SLC25A13: variants seen among roughly 807,000 people sequenced by gnomAD.
SLC25A13 encodes the protein solute carrier family 25 member 13, also known as electrogenic aspartate/glutamate antiporter SLC25A13, mitochondrial.
SLC25A13 carries 70 observed loss-of-function variants against 85.5 expected under a neutral mutation model. The observed-to-expected ratio is 0.82, with a 90% CI of 0.68 to 1.00. SLC25A13 has a LOEUF of 1.00. SLC25A13 is among the 50% of genes least tolerant of loss of function. The probability of loss-of-function intolerance (pLI) is 0.00; values close to 1 mark genes in which losing one functional copy is unlikely to be tolerated. For missense variants in SLC25A13, 765 were observed against 819.8 expected (o/e 0.93, Z 0.82); for synonymous variants, 259 against 288.7 (o/e 0.90, Z 1.04).
intron 13 of SLC25A13, among the ~76,000 whole-genome samples, chr7:96,149,916 CTT>C (rs1415273282): frequency 6.6e-6 from 1 of 152,172 alleles, no homozygotes; most frequent in Non-Finnish European, 1.5e-5. Context: ...TGCACAATGT[CTT>C]TGCGTCCCTC....
chr7:96,221,383 A>C (rs952821894), intron 4 of SLC25A13, among the ~76,000 whole-genome samples: 9 of 152,322 alleles, frequency 5.9e-5, no homozygotes, highest in South Asian at 4.1e-4. Context: ...CTCATAAAAT[A>C]AAATCAAATC....
chr7:96,294,761 T>C (rs1219311235), intron 2 of SLC25A13, among the ~76,000 whole-genome samples: 1 of 152,178 alleles, frequency 6.6e-6, no homozygotes, highest in Non-Finnish European at 1.5e-5. Context: ...CACTGAAGCC[T>C]CAAATTCCTA....
rs1792297011 is a variant in SLC25A13, at chr7:96,136,575, ACCTG to A, written c.1453-4698_1453-4695del. On this transcript the variant is annotated intron_variant, in intron 14 of 17. Coordinates refer to ENST00000265631, the MANE Select transcript of SLC25A13 (RefSeq NM_014251.3). ...AACTCTTCATCTTGGATGGTAAATCACCTGCCCAATCAATCCAAAGTGGGGAAAA... is the reference window on the plus strand; with the variant it reads ...AACTCTTCATCTTGGATGGTAAATCACCCAATCAATCCAAAGTGGGGAAAA... Among the ~76,000 whole-genome samples the A allele has an allele frequency of 2.6e-5, 4 of 152,160 alleles. 1 individual carries two copies. In the South Asian group the frequency reaches 8.3e-4, roughly 31 times the overall value.
chr7:96,227,644 T>C (rs779231077), intron 4 of SLC25A13, among the ~76,000 whole-genome samples: 1 of 152,204 alleles, frequency 6.6e-6, no homozygotes, highest in African/African-American at 2.4e-5. Context: ...GTAGTACCAC[T>C]GCAGTGCAAT....
At chr7:96,176,440 C>T (rs547491655) in intron 11 of SLC25A13, among the ~76,000 whole-genome samples, 1 of 152,330 alleles carries the variant, frequency 6.6e-6, no homozygotes, top group South Asian at 2.1e-4. Context: ...TTTAGTTCAG[C>T]TCCATCAGCA....
At chr7:96,321,594 A>AC (rs1193631445) in intron 1 of SLC25A13, among the ~76,000 whole-genome samples, 1 of 151,580 alleles carries the variant, frequency 6.6e-6, no homozygotes, top group Non-Finnish European at 1.5e-5. Context: ...GGTAGAGAGG[A>AC]CCCCCAGCGC....
intron 3 of SLC25A13, among the ~76,000 whole-genome samples, chr7:96,250,490 T>C (rs906497066): frequency 1.3e-4 from 20 of 152,074 alleles, no homozygotes; most frequent in African/African-American, 4.6e-4. Context: ...TGCCGAATGG[T>C]TGGAATCCAC....
intron 4 of SLC25A13, among the ~76,000 whole-genome samples, chr7:96,222,876 A>G (rs1163411989): frequency 6.6e-6 from 1 of 152,238 alleles, no homozygotes; most frequent in Non-Finnish European, 1.5e-5. Context: ...ATCCAAAACC[A>G]AAAGGCATCC....
At chr7:96,179,810 G>C (rs920898455) in intron 11 of SLC25A13, among the ~76,000 whole-genome samples, 2 of 152,196 alleles carry the variant, frequency 1.3e-5, no homozygotes, top group African/African-American at 4.8e-5. Flanking sequence ...GTGTTCTTAA[G>C]TAATGCAAAA....
intron 2 of SLC25A13, among the ~76,000 whole-genome samples, chr7:96,295,468 TTCC>T (rs1333166693): frequency 1.3e-5 from 2 of 152,242 alleles, no homozygotes; most frequent in Non-Finnish European, 2.9e-5. Flanking sequence ...CCTACTCATT[TTCC>T]TCAACTCAAC....
intron 11 of SLC25A13, among the ~76,000 whole-genome samples, chr7:96,178,843 A>C (rs912018909): frequency 3.9e-5 from 6 of 151,934 alleles, no homozygotes; most frequent in Non-Finnish European, 7.4e-5. Context: ...AGGCATTTCC[A>C]CCTTCCCAAC....
chr7:96,218,365 CTT>C (rs1346615584), intron 4 of SLC25A13, among the ~76,000 whole-genome samples: 3 of 152,154 alleles, frequency 2.0e-5, no homozygotes, highest in African/African-American at 7.2e-5. Flanking sequence ...AACCTCCACT[CTT>C]TTCTCTGAAG....
At chr7:96,286,157 G>T (rs556517254) in intron 2 of SLC25A13, among the ~76,000 whole-genome samples, 1 of 151,834 alleles carries the variant, frequency 6.6e-6, no homozygotes, top group Non-Finnish European at 1.5e-5. Context: ...GGTGGCAGGC[G>T]CCTGTAGTCC....
At chr7:96,126,193 T>C (rs754548350) in intron 15 of SLC25A13, among the ~76,000 whole-genome samples, 63 of 152,188 alleles carry the variant, frequency 4.1e-4, no homozygotes, top group Non-Finnish European at 1.6e-4. Flanking sequence ...TGTAACTGGG[T>C]GCAAGGGGTT....
chr7:96,232,757 A>T (rs1188637051), intron 4 of SLC25A13, among the ~76,000 whole-genome samples: 1 of 152,006 alleles, frequency 6.6e-6, no homozygotes, highest in Non-Finnish European at 1.5e-5. Flanking sequence ...TTATGCAGTG[A>T]ATCTTTTAAT....
chr7:96,317,219 G>A (rs1157682199), intron 1 of SLC25A13, among the ~76,000 whole-genome samples: 4 of 151,900 alleles, frequency 2.6e-5, no homozygotes, highest in Non-Finnish European at 4.4e-5. Flanking sequence ...CACCTGCCTC[G>A]GCCTCCCAAG....
chr7:96,313,189 G>A (rs1489827923), intron 1 of SLC25A13, among the ~76,000 whole-genome samples: 1 of 152,154 alleles, frequency 6.6e-6, no homozygotes, highest in Non-Finnish European at 1.5e-5. Flanking sequence ...AGGCTGAGGA[G>A]TGTTAAGGAG....
intron 7 of SLC25A13, 82 bp downstream of exon 7, chr7:96,191,027 T>C: frequency 2.0e-6 from 3 of 1,499,754 alleles, no homozygotes; most frequent in South Asian, 2.3e-5. Context: ...AGAAAAATAA[T>C]AAAGTACTAG....
intron 11 of SLC25A13, 122 bp from the exon 12 acceptor site, chr7:96,171,646 T>C (rs1794007951): frequency 1.3e-6 from 1 of 796,394 alleles, no homozygotes; most frequent in African/African-American, 1.7e-5. Context: ...TTTTCTGCTA[T>C]TACCCTTAAT....
Sources: allele counts gnomAD v4.1 joint callset (sites outside exome capture counted in the v4.1 genomes callset), GRCh38; gene constraint gnomAD v4.1.1; transcripts MANE v1.5; gene names NCBI Gene and HGNC (gene_info 2026-07-23, HGNC 2026-07-21).